The following KDM2B variants were observed in gnomAD, a reference collection of about 807,000 sequenced individuals.
KDM2B encodes lysine-specific demethylase 2B.
In KDM2B, 26 loss-of-function variants were observed where a neutral mutation model predicts 150.0. The ratio of observed to expected loss-of-function variants is 0.17; its 90% confidence interval spans 0.13 to 0.24. KDM2B has a LOEUF of 0.24. KDM2B is among the 10% of genes least tolerant of loss of function. The pLI is 1.00. For missense variants in KDM2B, 1,265 were observed against 1,816.9 expected (o/e 0.70, Z 5.52); for synonymous variants, 734 against 729.5 (o/e 1.01, Z -0.10).
chr12:121,506,897 T>C (rs1167777114), intron 11 of KDM2B, among the ~76,000 whole-genome samples: 1 of 149,938 alleles, frequency 6.7e-6, no homozygotes, highest in Non-Finnish European at 1.5e-5. Flanking sequence ...GATTGTGCCA[T>C]TGCACTCCAG....
Position 121,442,512 on chromosome 12 carries a change from G to T in KDM2B, c.2929C>A (p.Pro977Thr), listed in dbSNP as rs369380594. Residue 977 changes from proline (P) to threonine (T), a missense_variant, in exon 19 of 23, where the codon CCT (proline) becomes ACT (threonine). Pro to Thr is a conservative substitution (Grantham distance 38). Around this residue, in one of 11 missense-constraint regions of KDM2B, gnomAD observed 418 missense variants for 402.4 expected, o/e 1.04. Transcript: ENST00000377071. This position sits in a 1 kb window ranked among gnomAD's most constrained non-coding sequence, Gnocchi z 7.7. ...TTGGGCTCCTCGCCCTCGCTCTCAG[G>T]CTCCGACTTGATGGGCTGCTGGTTC... ...NENQQPIKSE[P>T]ESEGEEPKRP... 1.9e-6 allele frequency: 3 copies of T among 1,599,480 alleles called. No homozygotes were observed. In the African/African-American group the frequency reaches 4.0e-5, roughly 21 times the overall value.
At chr12:121,414,034 G>A in the KDM2B span, among the ~76,000 whole-genome samples, 13 of 152,228 alleles carry the variant, frequency 8.5e-5, no homozygotes, top group African/African-American at 2.9e-4. Flanking sequence ...TTACTTCTGG[G>A]TAATAGCAGA....
intron 11 of KDM2B, among the ~76,000 whole-genome samples, chr12:121,508,813 C>T (rs1261215577): frequency 6.6e-6 from 1 of 152,146 alleles, no homozygotes; most frequent in Non-Finnish European, 1.5e-5. Context: ...ACATAGTGCC[C>T]GCATCAGCTG....
At chr12:121,498,586 A>G (rs1884209255) in intron 11 of KDM2B, among the ~76,000 whole-genome samples, 1 of 152,128 alleles carries the variant, frequency 6.6e-6, no homozygotes, top group South Asian at 2.1e-4. Context: ...TGGGCCACCA[A>G]TTTGCAAAGA....
chr12:121,534,649 G>C lies in KDM2B; in HGVS notation c.684-59C>G, dbSNP rs572827399. ...TCAAGATCTAAATCACAAGACGTAA[G>C]CAAAGGACTTCAGAGGTCCTGAACT... On this transcript the variant is annotated intron_variant, in intron 6 of 22. Coordinates refer to ENST00000377071, the MANE Select transcript of KDM2B (RefSeq NM_032590.5). The C allele has an allele frequency of 1.7e-5, 22 of 1,309,452 alleles. No individual in the cohort carries two copies. In the South Asian group the frequency reaches 2.6e-4, roughly 16 times the overall value. The allele number at this position is 1,309,452 out of a possible 1,614,324, so 81.1% of individuals were successfully genotyped here.
At chr12:121,570,142 A>G (rs570500654) in intron 4 of KDM2B, among the ~76,000 whole-genome samples, 1 of 152,042 alleles carries the variant, frequency 6.6e-6, no homozygotes, top group South Asian at 2.1e-4. Context: ...CTCTGCCTCC[A>G]GGGTTCAGGC....
rs906236490 is a variant in KDM2B at position 121,445,221 on chromosome 12, C to G, written c.2103+54G>C. The stretch of plus-strand genomic sequence containing the variant: ...CCCACCATCTCACCAGCATCTCCAG[C>G]AACCCTACCTGCCCCAGAGCGTCAG... On this transcript the variant is annotated intron_variant, in intron 14 of 22. Transcript: ENST00000377071. The G allele has an allele frequency of 2.3e-5, 36 of 1,586,046 alleles. No individual in the cohort carries two copies. The African/African-American group carries it at 4.0e-4, about 18-fold the overall frequency.
the KDM2B span, among the ~76,000 whole-genome samples, chr12:121,412,356 T>C: frequency 9.4e-5 from 14 of 148,860 alleles, no homozygotes; most frequent in African/African-American, 3.4e-4. Flanking sequence ...TCTCCCACCT[T>C]AGCCTCCCGA....
rs1333107768 is a variant in KDM2B at position 121,513,292 on chromosome 12, C to T, written c.1158G>A (p.Arg386=). The T allele has an allele frequency of 1.9e-6, 3 of 1,613,372 alleles. No homozygotes were observed. Among genetic ancestry groups the T allele is most frequent in the Admixed American group, 1.7e-5 (1 of 59,994 alleles). The change falls in exon 10 of 23, where the codon AGG becomes AGA. Residue 386 remains arginine (R), a synonymous_variant. Coordinates refer to ENST00000377071, the MANE Select transcript of KDM2B (RefSeq NM_032590.5). This position sits in a 1 kb window ranked among gnomAD's most constrained non-coding sequence, Gnocchi z 5.0. ...TTCACTCACCAATAAGCATCGACTC[C>T]CTCTGGTATTCCTGAGTGAGGTGGG... ...QRSHLTQEYQ[R]ESMLIDAPRK...
chr12:121,506,580 G>A (rs546670077), intron 11 of KDM2B, among the ~76,000 whole-genome samples: 1 of 151,826 alleles, frequency 6.6e-6, no homozygotes, highest in South Asian at 2.1e-4. Flanking sequence ...GAGGCAGGCG[G>A]ATCACAAAGT....
chr12:121,540,029 C>T (rs190498827), intron 6 of KDM2B, among the ~76,000 whole-genome samples: 8 of 152,234 alleles, frequency 5.3e-5, no homozygotes, highest in East Asian at 3.9e-4. Flanking sequence ...CATGAGCCAC[C>T]GCAGCTCGCC....
chr12:121,481,687 C>T (rs936112308), intron 12 of KDM2B, among the ~76,000 whole-genome samples: 3 of 152,136 alleles, frequency 2.0e-5, no homozygotes, highest in South Asian at 2.1e-4. Flanking sequence ...ATAGTACCTG[C>T]GTGGCTTTCT....
At chr12:121,547,993 C>T (rs1285806072) in intron 6 of KDM2B, among the ~76,000 whole-genome samples, 6 of 152,128 alleles carry the variant, frequency 3.9e-5, no homozygotes, top group African/African-American at 1.4e-4. Context: ...AGGTGACTTC[C>T]TCCTCCCAAA....
chr12:121,556,612 A>C (rs1353955641), intron 4 of KDM2B, among the ~76,000 whole-genome samples: 1 of 152,202 alleles, frequency 6.6e-6, no homozygotes, highest in Non-Finnish European at 1.5e-5. Context: ...GCACTTTGGG[A>C]GGCCGAGGCA....
At position 121,494,565 on chromosome 12, in the gene KDM2B, A is replaced by G; in HGVS notation, c.1734+14T>C. The G allele has an allele frequency of 6.2e-7, 1 of 1,607,458 alleles. No individual in the cohort carries two copies. ...TGGGAAGCGGCCGCCCGCTGCAGGC[A>G]GGCTGCGTCTTACCTTTGGAGTCTT... On this transcript the variant is annotated intron_variant, in intron 12 of 22. Transcript: ENST00000377071.
At position 121,453,674 on chromosome 12, in the gene KDM2B, G is replaced by C. The variant is rs1263051988; in HGVS notation, c.1735-330C>G. The stretch of plus-strand genomic sequence containing the variant: ...TGGAGCCCTGTCTACAAGCCAAGAA[G>C]TGCCAAGGATGGCAGCACATACCAG... On this transcript the variant is annotated intron_variant, in intron 12 of 22. Coordinates refer to ENST00000377071, the MANE Select transcript of KDM2B (RefSeq NM_032590.5). The surrounding 1 kb of genome is among the most constrained non-coding windows in gnomAD (Gnocchi z 6.4). Among the ~76,000 whole-genome samples the C allele has an allele frequency of 2.0e-5, 3 of 152,280 alleles. No individual in the cohort carries two copies. Among genetic ancestry groups the C allele is most frequent in the African/African-American group, 7.2e-5 (3 of 41,546 alleles).
intron 4 of KDM2B, among the ~76,000 whole-genome samples, chr12:121,572,408 A>C (rs1594157374): frequency 6.6e-6 from 1 of 151,594 alleles, no homozygotes; most frequent in South Asian, 2.1e-4. Context: ...TTTCTCACTC[A>C]CTCACTCACT....
chr12:121,510,030 C>T lies in KDM2B; in HGVS notation c.1184G>A (p.Arg395Lys). ...QRESMLIDAP[R>K]KPSIDGFSSD... Reference sequence around the variant, plus strand: ...AGAGAAGCCGTCTATGCTGGGCTTCCTCGGGGCATCTGTGGGGGCAGGGTC... The same window carrying T: ...AGAGAAGCCGTCTATGCTGGGCTTCTTCGGGGCATCTGTGGGGGCAGGGTC... Residue 395 changes from arginine to lysine, a missense_variant, in exon 11 of 23, where the codon AGG becomes AAG. Arg to Lys is a conservative substitution (Grantham distance 26, BLOSUM62 2). This residue lies in a region of KDM2B where 154 missense variants were observed against 162.5 expected (regional missense o/e 0.95). Transcript: ENST00000377071. 1 of 1,549,084 alleles carries T rather than the reference C, an allele frequency of 6.5e-7. No individual in the cohort carries two copies. The highest frequency in any genetic ancestry group is 1.2e-5 in the South Asian group (1 of 80,274).
downstream of KDM2B, among the ~76,000 whole-genome samples, chr12:121,428,898 T>G (rs1487338166): frequency 2.6e-5 from 4 of 152,238 alleles, no homozygotes; most frequent in African/African-American, 9.6e-5. Context: ...GAATTAATTC[T>G]GTGTGGTAAG....
Sources: gnomAD v4.1 joint callset for allele counts (sites outside exome capture counted in the v4.1 genomes callset) on GRCh38, gnomAD v4.1.1 for gene constraint, gnomAD v4.1.1 regional missense constraint, Gnocchi (gnomAD v3.1) non-coding constraint, MANE v1.5 for transcripts, NCBI Gene and HGNC (gene_info 2026-07-23, HGNC 2026-07-21) for gene names.